The following SLFN12 variants were observed in gnomAD, a reference collection of about 807,000 sequenced individuals.
SLFN12 encodes schlafen family member 12, also known as ribonuclease SLFN12.
Under a neutral mutation model 29.1 loss-of-function variants are expected in SLFN12, and 25 were observed. The observed-to-expected ratio is 0.86, with a 90% CI of 0.63 to 1.20. The LOEUF is 1.20. SLFN12 is among the 50% of genes most tolerant of loss of function. The pLI is 0.00. For missense variants in SLFN12, 660 were observed against 666.2 expected (o/e 0.99, Z 0.10); for synonymous variants, 257 against 238.7 (o/e 1.08, Z -0.71).
chr17:35,411,446 A>G lies in SLFN12; in HGVS notation c.1629T>C (p.Ser543=). The change falls in exon 4 of 4, where the codon TCT becomes TCC. Residue 543 remains serine (S), a synonymous_variant. Coordinates refer to ENST00000304905, the MANE Select transcript of SLFN12 (RefSeq NM_018042.5). ...ALFKALKRLK[S]LRDQFSFAEN... Reference sequence around the variant, plus strand: ...CTGCAAAGGAAAACTGGTCTCTCAGAGACTTGAGTCTCTTTAAGGCTTTAA... The same window carrying G: ...CTGCAAAGGAAAACTGGTCTCTCAGGGACTTGAGTCTCTTTAAGGCTTTAA... 6.2e-7 allele frequency: 1 copy of G among 1,613,518 alleles called. No homozygotes were observed. The highest frequency in any genetic ancestry group is 1.3e-5 in the African/African-American group (1 of 74,998).
intron 3 of SLFN12, among the ~76,000 whole-genome samples, chr17:35,413,068 TAA>T (rs376485425): frequency 8.8e-6 from 1 of 113,078 alleles, no homozygotes; most frequent in Non-Finnish European, 1.9e-5. Context: ...TCAAACTCAA[TAA>T]AAAAAAAAAA....
Position 35,424,791 on chromosome 17 carries a change from C to T in SLFN12, c.-40-1723G>A, listed in dbSNP as rs116111789. 7.9e-3 allele frequency among the ~76,000 whole-genome samples: 1,195 copies of T among 152,090 alleles called. 13 individuals carry two copies. The highest frequency in any genetic ancestry group is 0.027 in the African/African-American group (1,141 of 41,502). ...CTTTAGTTCTTTGTCCATGTTTTCT[C>T]TTAGCTCTTTGAAGATACTTAAGAC... On this transcript the variant is annotated intron_variant, in intron 1 of 3. Coordinates refer to ENST00000304905, the MANE Select transcript of SLFN12 (RefSeq NM_018042.5).
intron 3 of SLFN12, 35 bp downstream of exon 3, chr17:35,420,239 C>T: frequency 6.9e-7 from 1 of 1,458,248 alleles, no homozygotes; most frequent in Non-Finnish European, 9.6e-7. Flanking sequence ...ACTACAGTCA[C>T]ACTAACAAAT....
chr17:35,415,354 A>G, intron 3 of SLFN12, among the ~76,000 whole-genome samples: 1 of 152,140 alleles, frequency 6.6e-6, no homozygotes, highest in East Asian at 1.9e-4. Context: ...ACCTTATACA[A>G]AAACCAACCC....
At chr17:35,420,871 T>G (rs541172915) in intron 2 of SLFN12, 1 of 152,280 alleles carries the variant, frequency 6.6e-6, no homozygotes, top group East Asian at 1.9e-4. Flanking sequence ...ACTACTTGGC[T>G]CACAAATGTG....
At position 35,411,249 on chromosome 17, in the gene SLFN12, C is replaced by A; in HGVS notation, c.*89G>T. Reference sequence around the variant, plus strand: ...ACATCACATTAAGTTGCTTAACTTGCAAAGTTTTCAAAGAAATATTTTCAC... The same window carrying A: ...ACATCACATTAAGTTGCTTAACTTGAAAAGTTTTCAAAGAAATATTTTCAC... On this transcript the variant is annotated 3_prime_UTR_variant, in exon 4 of 4. Transcript: ENST00000304905. 9.5e-7 allele frequency: 1 copy of A among 1,053,800 alleles called. No homozygotes were observed. The highest frequency in any genetic ancestry group is 1.3e-6 in the Non-Finnish European group (1 of 743,844). 65.3% of individuals were successfully genotyped at this position (1,053,800 alleles called of 1,614,324 possible). A position where few individuals can be genotyped will look rare whatever the true frequency, so the allele number is the denominator to read the frequency against.
Position 35,411,521 on chromosome 17 carries a change from G to A in SLFN12, c.1554C>T (p.Tyr518=), listed in dbSNP as rs2142027782. Residue 518 remains tyrosine, a synonymous_variant, in exon 4 of 4, where the codon TAC becomes TAT. Transcript: ENST00000304905. ...CQYDLRSQVI[Y]PESYYFTRRK... is the part of the protein sequence containing the mutation. ...TTCTTGTAAAATAGTAGGATTCAGG[G>A]TAAATTACTTGCGACCTTAAATCAT... is the stretch of plus-strand genomic sequence containing the variant. 1 of 1,614,058 alleles carries A rather than the reference G, an allele frequency of 6.2e-7. No individual in the cohort carries two copies. The highest frequency in any genetic ancestry group is 8.5e-7 in the Non-Finnish European group (1 of 1,180,008).
rs183015780 is a variant in SLFN12, at chr17:35,413,875, G to A, written c.1148-1948C>T. On this transcript the variant is annotated intron_variant, in intron 3 of 3. Transcript: ENST00000304905. ...ATATACCACATTAATAAAATGAAGG[G>A]CAAAACTATATGCTCATATTAACGG... Among the ~76,000 whole-genome samples the A allele has an allele frequency of 1.4e-3, 208 of 151,916 alleles. 2 individuals carry two copies. Among genetic ancestry groups the A allele is most frequent in the Non-Finnish European group, 5.6e-4 (38 of 67,952 alleles).
At chr17:35,432,571 C>A (rs1028944583), upstream of SLFN12, 2 of 152,124 alleles carry the variant, frequency 1.3e-5, no homozygotes, top group Non-Finnish European at 2.9e-5. Context: ...AGCGAAGTTA[C>A]AAAGTTACAT....
Position 35,411,390 on chromosome 17 carries a change from C to T in SLFN12, c.1685G>A (p.Cys562Tyr), listed in dbSNP as rs758451702. 21 of 1,584,592 alleles carry T rather than the reference C, an allele frequency of 1.3e-5. No individual in the cohort carries two copies. Among genetic ancestry groups the T allele is most frequent in the Non-Finnish European group, 1.7e-5 (20 of 1,167,926 alleles). ...CATCTTTTTATCATTCTTCTGAAAG[C>T]AATCTATACCGATTATCTGGTATAG... The part of the protein sequence containing the change: ...ENLYQIIGID[C>Y]FQKNDKKMFK... Residue 562 changes from cysteine to tyrosine, a missense_variant, in exon 4 of 4, where the codon TGC (cysteine) becomes TAC (tyrosine). Physicochemically the swap from Cys to Tyr is radical, Grantham distance 194. Transcript: ENST00000304905.
chr17:35,426,812 A>T (rs1912043429), intron 1 of SLFN12, among the ~76,000 whole-genome samples: 1 of 152,136 alleles, frequency 6.6e-6, no homozygotes, highest in African/African-American at 2.4e-5. Flanking sequence ...CTGAGCATTT[A>T]TCCTGCCTGG....
chr17:35,425,843 T>C (rs11080347), intron 1 of SLFN12, among the ~76,000 whole-genome samples: 19 of 115,396 alleles, frequency 1.6e-4, no homozygotes, highest in South Asian at 4.3e-4. Context: ...CTTTTCTTTT[T>C]TTTTTTTTTT....
intron 2 of SLFN12, among the ~76,000 whole-genome samples, chr17:35,421,361 G>A (rs1290981744): frequency 6.6e-6 from 1 of 151,620 alleles, no homozygotes; most frequent in Non-Finnish European, 1.5e-5. Flanking sequence ...AAACAAAAAG[G>A]AAAAGGATTA....
intron 3 of SLFN12, among the ~76,000 whole-genome samples, chr17:35,412,605 G>T (rs1308965370): frequency 6.6e-6 from 1 of 152,070 alleles, no homozygotes; most frequent in East Asian, 1.9e-4. Flanking sequence ...GCAATGGGTG[G>T]TACTCTAACT....
Position 35,411,342 on chromosome 17 carries a change from G to T in SLFN12, c.1733C>A (p.Thr578Asn). ...AGTAGCCCAGTCCATTTTCCATCAG[G>T]TGAGCCTTCGACAAGATTTAAACAT... ...KKMFKSCRRL[T>N] Residue 578 changes from threonine to asparagine, a missense_variant, in exon 4 of 4, where the codon ACC becomes AAC. By Grantham distance (65) the Thr-to-Asn change is moderately conservative. Transcript: ENST00000304905. 1 of 1,528,650 alleles carries T rather than the reference G, an allele frequency of 6.5e-7. No homozygotes were observed. The highest frequency in any genetic ancestry group is 8.8e-7 in the Non-Finnish European group (1 of 1,139,442). The allele number at this position is 1,528,650 out of a possible 1,614,324, so 94.7% of individuals were successfully genotyped here.
intron 1 of SLFN12, among the ~76,000 whole-genome samples, chr17:35,431,014 G>A (rs918666726): frequency 2.6e-5 from 4 of 152,060 alleles, no homozygotes; most frequent in African/African-American, 7.2e-5. Flanking sequence ...TGTTCTCAGT[G>A]AACCATAAAA....
rs1262344905 is a variant in SLFN12, at chr17:35,432,377, G to A, written c.-230C>T. On this transcript the variant is annotated 5_prime_UTR_variant, in exon 1 of 4. Coordinates refer to ENST00000304905, the MANE Select transcript of SLFN12 (RefSeq NM_018042.5). ...CCCGAGGATAGCGGCTCAAGAGCCCGGTTTCAGAATTTTCTGGGGTTTAAG... is the reference window on the plus strand; with the variant it reads ...CCCGAGGATAGCGGCTCAAGAGCCCAGTTTCAGAATTTTCTGGGGTTTAAG... 1 of 152,228 alleles carries A rather than the reference G, an allele frequency of 6.6e-6. No individual in the cohort carries two copies. The highest frequency in any genetic ancestry group is 1.5e-5 in the Non-Finnish European group (1 of 68,126). The allele number at this position is 152,228 out of a possible 1,614,324, so 9.4% of individuals were successfully genotyped here.
At chr17:35,427,287 T>TTAGTTCAGCCAGTTTTGGGTTGCTTTTGA in intron 1 of SLFN12, among the ~76,000 whole-genome samples, 1 of 152,294 alleles carries the variant, frequency 6.6e-6, no homozygotes, top group East Asian at 1.9e-4. Flanking sequence ...ATCTTTGTTG[T>TTAGTTCAGCCAGTTTTGGGTTGCTTTTGA]TAGTTCAGCC....
At chr17:35,431,149 C>T (rs1271905903) in intron 1 of SLFN12, among the ~76,000 whole-genome samples, 4 of 152,242 alleles carry the variant, frequency 2.6e-5, no homozygotes, top group East Asian at 3.9e-4. Context: ...AATGGCCCAT[C>T]GGGTAGCCAA....
Sources: allele counts gnomAD v4.1 joint callset (sites outside exome capture counted in the v4.1 genomes callset), GRCh38; gene constraint gnomAD v4.1.1; transcripts MANE v1.5; gene names NCBI Gene and HGNC (gene_info 2026-07-23, HGNC 2026-07-21).